CACNA1B: variants seen among roughly 807,000 people sequenced by gnomAD.
CACNA1B encodes calcium voltage-gated channel subunit alpha1 B.
CACNA1B carries 70 observed loss-of-function variants against 247.2 expected under a neutral mutation model. The observed-to-expected ratio is 0.28, with a 90% CI of 0.23 to 0.35. The LOEUF is 0.35. CACNA1B is among the 10% of genes least tolerant of loss of function. CACNA1B has a pLI of 1.00. For missense variants in CACNA1B, 2,367 were observed against 3,197.4 expected, an observed-to-expected ratio of 0.74 and a Z score of 6.26; for synonymous variants, 1,231 against 1,294.4, an observed-to-expected ratio of 0.95 and a Z score of 1.05.
chr9:138,012,399 AAGG>A lies in CACNA1B; in HGVS notation c.2161-726_2161-724del, dbSNP rs1422779758. ...GCTCCTGGGGGGACAGGTGGGACAAAAGGAGGGACAGATTTGCATTTCAGTGGG... is the reference window on the plus strand; with the variant it reads ...GCTCCTGGGGGGACAGGTGGGACAAAAGGGACAGATTTGCATTTCAGTGGG... On this transcript the variant is annotated intron_variant, in intron 17 of 46. Coordinates refer to ENST00000371372, the MANE Select transcript of CACNA1B (RefSeq NM_000718.4). The surrounding 1 kb of genome is among the most constrained non-coding windows in gnomAD (Gnocchi z 4.2). Among the ~76,000 whole-genome samples, 1 of 152,048 alleles carries A rather than the reference AAGG, an allele frequency of 6.6e-6. No homozygotes were observed. Among genetic ancestry groups the A allele is most frequent in the African/African-American group, 2.4e-5 (1 of 41,406 alleles).
At chr9:137,997,198 AT>A in intron 15 of CACNA1B, among the ~76,000 whole-genome samples, 2 of 152,344 alleles carry the variant, frequency 1.3e-5, no homozygotes, top group East Asian at 3.9e-4. Flanking sequence ...TGTAGGGCTC[AT>A]TGTACTCCAC....
intron 39 of CACNA1B, among the ~76,000 whole-genome samples, chr9:138,109,246 A>G (rs1961542166): frequency 1.3e-5 from 2 of 152,264 alleles, no homozygotes; most frequent in African/African-American, 4.8e-5. Flanking sequence ...AGAAAAGATC[A>G]TCTTTTCTAC....
At chr9:138,091,726 T>C (rs1173203035) in intron 36 of CACNA1B, among the ~76,000 whole-genome samples, 3 of 152,066 alleles carry the variant, frequency 2.0e-5, no homozygotes, top group Non-Finnish European at 4.4e-5. Flanking sequence ...CAAAAATTTA[T>C]AAGAAAGAAA....
chr9:138,050,706 T>C lies in CACNA1B; in HGVS notation c.3711-1386T>C, dbSNP rs1959244883. 6.6e-6 allele frequency among the ~76,000 whole-genome samples: 1 copy of C among 152,098 alleles called. No individual in the cohort carries two copies. The highest frequency in any genetic ancestry group is 6.5e-5 in the Admixed American group (1 of 15,278). On this transcript the variant is annotated intron_variant, in intron 24 of 46. Transcript: ENST00000371372. This position sits in a 1 kb window ranked among gnomAD's most constrained non-coding sequence, Gnocchi z 5.2. ...ATGGACGCTCCCCCAGAAAGCCTCA[T>C]TTACTGGGTGACAAAACAGTATCCC... is the stretch of plus-strand genomic sequence containing the variant.
intron 10 of CACNA1B, among the ~76,000 whole-genome samples, chr9:137,967,417 A>G (rs952973649): frequency 2.0e-5 from 3 of 152,078 alleles, no homozygotes; most frequent in Non-Finnish European, 4.4e-5. Flanking sequence ...AGGCTCCCCT[A>G]TGCCCAGGGG....
intron 20 of CACNA1B, among the ~76,000 whole-genome samples, chr9:138,037,284 A>G (rs1302772186): frequency 6.6e-6 from 1 of 152,216 alleles, no homozygotes; most frequent in Non-Finnish European, 1.5e-5. Flanking sequence ...TAGGATGCCT[A>G]GCAGCATCCC....
At chr9:137,976,605 T>A (rs1375039793) in intron 12 of CACNA1B, among the ~76,000 whole-genome samples, 2 of 149,854 alleles carry the variant, frequency 1.3e-5, no homozygotes, top group Admixed American at 1.3e-4. Flanking sequence ...TACCAACTTA[T>A]GTAGGTGGGG....
chr9:138,101,296 CT>C, intron 37 of CACNA1B: 1 of 464,176 alleles, frequency 2.2e-6, no homozygotes, highest in Non-Finnish European at 4.4e-6. Flanking sequence ...GACGCCTCAC[CT>C]TTCTTTCCTC....
intron 35 of CACNA1B, among the ~76,000 whole-genome samples, chr9:138,076,855 T>TG: frequency 6.6e-6 from 1 of 152,344 alleles, no homozygotes; most frequent in Non-Finnish European, 1.5e-5. Flanking sequence ...GACCCAGACC[T>TG]GCTTTGCTGA....
chr9:138,103,572 C>T (rs981994286), intron 38 of CACNA1B, among the ~76,000 whole-genome samples: 1 of 152,140 alleles, frequency 6.6e-6, no homozygotes, highest in Non-Finnish European at 1.5e-5. Context: ...CATGGCCCAG[C>T]CCTAAAACTG....
intron 20 of CACNA1B, among the ~76,000 whole-genome samples, chr9:138,041,796 C>T (rs1959126562): frequency 6.6e-6 from 1 of 152,066 alleles, no homozygotes; most frequent in Admixed American, 6.6e-5. Context: ...ATTCTGTCAC[C>T]CAGACTGGAG....
chr9:137,907,744 C>A (rs1241458814), intron 3 of CACNA1B, among the ~76,000 whole-genome samples: 1 of 152,106 alleles, frequency 6.6e-6, no homozygotes, highest in Non-Finnish European at 1.5e-5. Context: ...ATTTATTAAT[C>A]TATTACTTTA....
rs201628410 is a variant in CACNA1B at position 138,124,458 on chromosome 9, C to T, written c.*2459C>T. 1.3e-5 allele frequency: 2 copies of T among 149,924 alleles called. No individual in the cohort carries two copies. The highest frequency in any genetic ancestry group is 4.9e-5 in the African/African-American group (2 of 40,810). 9.3% of individuals were successfully genotyped at this position (149,924 alleles called of 1,614,324 possible). On this transcript the variant is annotated 3_prime_UTR_variant, in exon 47 of 47. Coordinates refer to ENST00000371372, the MANE Select transcript of CACNA1B (RefSeq NM_000718.4). ...AAAAAGTCCCAACCATGCAACACAA[C>T]TGGGACCTACTTAAAAAGAAATTCT...
chr9:137,947,115 T>G (rs2133328036), intron 6 of CACNA1B, among the ~76,000 whole-genome samples: 1 of 152,304 alleles, frequency 6.6e-6, no homozygotes, highest in South Asian at 2.1e-4. Flanking sequence ...TTACACTCTA[T>G]GTAAATGAAG....
Position 138,011,416 on chromosome 9 carries a change from C to T in CACNA1B, c.2160+1339C>T, listed in dbSNP as rs186576543. Among the ~76,000 whole-genome samples the T allele has an allele frequency of 5.3e-5, 8 of 152,270 alleles. No individual in the cohort carries two copies. The highest frequency in any genetic ancestry group is 2.6e-4 in the Admixed American group (4 of 15,302). ...ATTTAGGAATTTCTTCTCTGAGGAT[C>T]GGGGCCACTGGGGGCCTGTCTGTGT... On this transcript the variant is annotated intron_variant, in intron 17 of 46. Coordinates refer to ENST00000371372, the MANE Select transcript of CACNA1B (RefSeq NM_000718.4). The surrounding 1 kb of genome is among the most constrained non-coding windows in gnomAD (Gnocchi z 4.2).
chr9:138,101,157 C>G (rs1401931913), intron 37 of CACNA1B: 1 of 533,082 alleles, frequency 1.9e-6, no homozygotes, highest in Non-Finnish European at 3.8e-6. Context: ...ATTGCGCCAC[C>G]CGTTGGCTTA....
intron 31 of CACNA1B, among the ~76,000 whole-genome samples, chr9:138,065,484 G>A (rs750154110): frequency 6.6e-6 from 1 of 152,162 alleles, no homozygotes; most frequent in Non-Finnish European, 1.5e-5. Flanking sequence ...GCTCCTGCAG[G>A]CCCAGGCAGT....
Position 138,102,088 on chromosome 9 carries a change from C to T in CACNA1B, c.5223-623C>T, listed in dbSNP as rs1432270058. ...CAGCAGCCCTGCCCTGGGCTGGCCT[C>T]GGGCGTCTCTGGGCTTGAAGCAGGA... On this transcript the variant is annotated intron_variant, in intron 37 of 46. Transcript: ENST00000371372. The surrounding 1 kb of genome is among the most constrained non-coding windows in gnomAD (Gnocchi z 5.4). 1.3e-5 allele frequency among the ~76,000 whole-genome samples: 2 copies of T among 152,196 alleles called. No individual in the cohort carries two copies. The highest frequency in any genetic ancestry group is 6.5e-5 in the Admixed American group (1 of 15,286).
rs374540581 is a variant in CACNA1B, at chr9:137,901,666, A to G, written c.531-11514A>G. On this transcript the variant is annotated intron_variant, in intron 3 of 46. Transcript: ENST00000371372. Reference sequence around the variant, plus strand: ...TTTGTATTCCACCAGTTCTGTGTACATCATTAGGGTTTTTTTGTGATTTTT... The same window carrying G: ...TTTGTATTCCACCAGTTCTGTGTACGTCATTAGGGTTTTTTTGTGATTTTT... 2.8e-4 allele frequency among the ~76,000 whole-genome samples: 42 copies of G among 148,396 alleles called. No homozygotes were observed. In the South Asian group the frequency reaches 9.0e-3, roughly 32 times the overall value.
Sources: allele counts gnomAD v4.1 joint callset (sites outside exome capture counted in the v4.1 genomes callset), GRCh38; gene constraint gnomAD v4.1.1; non-coding constraint Gnocchi (gnomAD v3.1); transcripts MANE v1.5; gene names NCBI Gene and HGNC (gene_info 2026-07-23, HGNC 2026-07-21).